Variants in AFF3 observed in about 807,000 individuals in gnomAD.
The protein encoded by AFF3 is ALF transcription elongation factor 3.
AFF3 carries 32 observed loss-of-function variants against 129.7 expected under a neutral mutation model. The observed-to-expected ratio is 0.25, with a 90% confidence interval of 0.19 to 0.33. The LOEUF is 0.33. Ranked by LOEUF, AFF3 falls within the 10% of genes least tolerant of loss-of-function variation. AFF3 has a pLI of 1.00. For missense variants in AFF3, 1,373 were observed against 1,592.0 expected, an observed-to-expected ratio of 0.86 and a Z score of 2.34; for synonymous variants, 644 against 635.4, an observed-to-expected ratio of 1.01 and a Z score of -0.20.
intron 14 of AFF3, among the ~76,000 whole-genome samples, chr2:99,598,280 G>A (rs1346050015): frequency 6.6e-6 from 1 of 152,010 alleles, no homozygotes; most frequent in Non-Finnish European, 1.5e-5. Context: ...AACAAAGGCC[G>A]AGTGAGTTCC....
chr2:99,843,611 T>G (rs1576163944), intron 7 of AFF3, among the ~76,000 whole-genome samples: 1 of 152,344 alleles, frequency 6.6e-6, no homozygotes, highest in South Asian at 2.1e-4. Flanking sequence ...GTCCTTTTAA[T>G]GTATTGTATC....
intron 11 of AFF3, among the ~76,000 whole-genome samples, 188 bp downstream of exon 11, chr2:99,726,889 C>A (rs1307158324): frequency 3.3e-5 from 5 of 152,172 alleles, no homozygotes; most frequent in Non-Finnish European, 5.9e-5. Flanking sequence ...TTCAAGATTC[C>A]TCTTACTCTG....
At chr2:99,908,297 C>T (rs1046899580) in intron 7 of AFF3, among the ~76,000 whole-genome samples, 1 of 152,068 alleles carries the variant, frequency 6.6e-6, no homozygotes, top group Non-Finnish European at 1.5e-5. Context: ...AAACTGGATC[C>T]CTTCCTTACA....
rs747131126 is a variant in AFF3, at chr2:99,578,464, C to A, written c.2794-13G>T. On this transcript the variant is annotated splice_polypyrimidine_tract_variant and intron_variant, in intron 17 of 24. Coordinates refer to ENST00000672756, the MANE Select transcript of AFF3 (RefSeq NM_001386135.1). ...TGTGAGCTGCTTTCTAAACAACAAA[C>A]AACACACATCTTTGAGAAATTGGCC... The A allele has an allele frequency of 6.2e-7, 1 of 1,607,278 alleles. No homozygotes were observed.
chr2:100,106,118 A>G (rs1397573605), intron 2 of AFF3: 2 of 1,259,892 alleles, frequency 1.6e-6, no homozygotes, highest in Non-Finnish European at 2.1e-6. Flanking sequence ...TTCCTATTTG[A>G]GATCGGATTT....
At chr2:100,111,365 T>G (rs1691505679) in intron 2 of AFF3, among the ~76,000 whole-genome samples, 1 of 152,262 alleles carries the variant, frequency 6.6e-6, no homozygotes. Context: ...ATTACTTCCT[T>G]ACATGTAATC....
At chr2:100,002,878 G>A (rs552661040) in intron 7 of AFF3, among the ~76,000 whole-genome samples, 7 of 152,292 alleles carry the variant, frequency 4.6e-5, no homozygotes, top group African/African-American at 1.7e-4. Context: ...CAATGGCTCT[G>A]CATGTTAGGT....
At chr2:99,912,649 A>T (rs546614534) in intron 7 of AFF3, among the ~76,000 whole-genome samples, 1 of 152,324 alleles carries the variant, frequency 6.6e-6, no homozygotes, top group African/African-American at 2.4e-5. Context: ...CTACATACTC[A>T]ATCAGGAAAC....
chr2:99,972,922 G>A (rs1393011770), intron 7 of AFF3, among the ~76,000 whole-genome samples: 1 of 152,118 alleles, frequency 6.6e-6, no homozygotes, highest in Non-Finnish European at 1.5e-5. Context: ...TTATTCCTTT[G>A]TTAAACCTGG....
intron 12 of AFF3, among the ~76,000 whole-genome samples, chr2:99,662,401 A>ATTT (rs1407491113): frequency 6.6e-6 from 1 of 152,216 alleles, no homozygotes; most frequent in African/African-American, 2.4e-5. Flanking sequence ...AAGACTAAAA[A>ATTT]GAAAAACGAA....
At chr2:99,822,390 C>T (rs923005911) in intron 8 of AFF3, among the ~76,000 whole-genome samples, 14 of 152,138 alleles carry the variant, frequency 9.2e-5, no homozygotes, top group African/African-American at 3.1e-4. Flanking sequence ...AAAAAAATTG[C>T]CAAACCAAAT....
intron 13 of AFF3, among the ~76,000 whole-genome samples, chr2:99,629,689 T>G (rs1568785): frequency 0.59 from 89,795 of 152,006 alleles, 27,072 homozygotes; most frequent in East Asian, 0.82. Flanking sequence ...TCTGAAATCT[T>G]CAAATCCAAG....
chr2:99,730,196 A>G (rs1191142400), intron 10 of AFF3, among the ~76,000 whole-genome samples: 1 of 152,114 alleles, frequency 6.6e-6, no homozygotes, highest in East Asian at 1.9e-4. Context: ...AAGATGCTTA[A>G]GGTACCCTCG....
chr2:99,769,527 TG>T (rs1558832815), intron 8 of AFF3, among the ~76,000 whole-genome samples: 12 of 152,246 alleles, frequency 7.9e-5, no homozygotes, highest in Non-Finnish European at 1.3e-4. Flanking sequence ...TTGGTGAGGC[TG>T]TTTTCCTGGA....
chr2:99,618,644 A>G (rs976037145), intron 13 of AFF3, among the ~76,000 whole-genome samples: 2 of 152,218 alleles, frequency 1.3e-5, no homozygotes, highest in Admixed American at 1.3e-4. Flanking sequence ...AAAGTAGCCT[A>G]ACCAGTAAGA....
chr2:99,757,577 T>A (rs79354040), intron 8 of AFF3, among the ~76,000 whole-genome samples: 1,782 of 152,336 alleles, frequency 0.012, 21 homozygotes, highest in Non-Finnish European at 0.019. Context: ...ACTTTATAGA[T>A]GAGGAAACTA....
At chr2:99,788,506 T>C (rs953833393) in intron 8 of AFF3, among the ~76,000 whole-genome samples, 8 of 152,218 alleles carry the variant, frequency 5.3e-5, no homozygotes, top group Admixed American at 5.2e-4. Flanking sequence ...AGAATAAGGA[T>C]GTAAAGAAAC....
chr2:99,666,209 C>T (rs761102322), intron 12 of AFF3, among the ~76,000 whole-genome samples: 16 of 152,064 alleles, frequency 1.1e-4, no homozygotes, highest in African/African-American at 2.4e-4. Flanking sequence ...ATAAGATACA[C>T]GGTGAAATTC....
chr2:99,750,831 T>C (rs1681584880), intron 9 of AFF3, among the ~76,000 whole-genome samples: 1 of 152,212 alleles, frequency 6.6e-6, no homozygotes, highest in Admixed American at 6.5e-5. Flanking sequence ...GATCTAACAG[T>C]GTTTGTAATA....
Sources: gnomAD v4.1 joint callset for allele counts (sites outside exome capture counted in the v4.1 genomes callset) on GRCh38, gnomAD v4.1.1 for gene constraint, MANE v1.5 for transcripts, NCBI Gene and HGNC (gene_info 2026-07-23, HGNC 2026-07-21) for gene names.